Variants in ECHDC3 observed in about 807,000 individuals in gnomAD.
The protein encoded by ECHDC3 is enoyl-CoA hydratase domain-containing protein 3, mitochondrial.
A neutral mutation model predicts 17.9 loss-of-function variants in ECHDC3; 20 were observed. The observed-to-expected ratio is 1.12, with a 90% CI of 0.79 to 1.63. The LOEUF (loss-of-function observed/expected upper bound fraction) is 1.63. ECHDC3 is among the 40% of genes most tolerant of loss of function. ECHDC3 has a pLI of 0.00. For synonymous variants in ECHDC3, 177 were observed against 149.7 expected, an observed-to-expected ratio of 1.18 and a Z score of -1.33; for missense variants, 407 against 357.7, an observed-to-expected ratio of 1.14 and a Z score of -1.11.
At chr10:11,745,683 G>C (rs1832751191) in intron 1 of ECHDC3, among the ~76,000 whole-genome samples, 1 of 152,172 alleles carries the variant, frequency 6.6e-6, no homozygotes, top group African/African-American at 2.4e-5. Context: ...TACCGCGGAA[G>C]GAATATCAGA....
chr10:11,748,693 C>G (rs1832790630), intron 2 of ECHDC3, among the ~76,000 whole-genome samples: 1 of 152,166 alleles, frequency 6.6e-6, no homozygotes, highest in Non-Finnish European at 1.5e-5. Context: ...CGAGACCAGC[C>G]TGGCCAACGT....
chr10:11,763,853 G>T lies in ECHDC3; in HGVS notation c.*309G>T, dbSNP rs962559705. The T allele has an allele frequency of 7.3e-6, 8 of 1,099,358 alleles. No homozygotes were observed. In the African/African-American group the frequency reaches 1.3e-4, roughly 18 times the overall value. The allele number at this position is 1,099,358 out of a possible 1,614,324, so 68.1% of individuals were successfully genotyped here. A position where few individuals can be genotyped will look rare whatever the true frequency, so the allele number is the denominator to read the frequency against. ...AAGCGACCCCCCGACATAGCAAAAG[G>T]TGGCAACCCATGGAGGCAGAAAGAA... On this transcript the variant is annotated 3_prime_UTR_variant, in exon 5 of 5. Coordinates refer to ENST00000379215, the MANE Select transcript of ECHDC3 (RefSeq NM_024693.5). This position sits in a 1 kb window ranked among gnomAD's most constrained non-coding sequence, Gnocchi z 4.9.
At chr10:11,753,514 C>T (rs966768049) in intron 3 of ECHDC3, among the ~76,000 whole-genome samples, 13 of 152,054 alleles carry the variant, frequency 8.5e-5, no homozygotes, top group African/African-American at 3.1e-4. Flanking sequence ...AACTCTAATC[C>T]CAGTCAATTG....
At chr10:11,753,771 CTTTTTA>C (rs10638079) in intron 3 of ECHDC3, among the ~76,000 whole-genome samples, 10 of 149,898 alleles carry the variant, frequency 6.7e-5, no homozygotes, top group African/African-American at 2.2e-4. Flanking sequence ...CATTCTTCTT[CTTTTTA>C]TTTTTATTTT....
chr10:11,748,558 T>C (rs555975182), intron 2 of ECHDC3, among the ~76,000 whole-genome samples: 1 of 152,240 alleles, frequency 6.6e-6, no homozygotes, highest in South Asian at 2.1e-4. Flanking sequence ...ATTACCTCAC[T>C]TACAAAAAGA....
chr10:11,750,767 A>G (rs1397210299), intron 3 of ECHDC3, among the ~76,000 whole-genome samples: 4 of 152,162 alleles, frequency 2.6e-5, no homozygotes, highest in Admixed American at 2.0e-4. Context: ...AGTTTAACCT[A>G]ATTTTTTATT....
At chr10:11,752,439 A>C (rs1279023353) in intron 3 of ECHDC3, among the ~76,000 whole-genome samples, 1 of 151,892 alleles carries the variant, frequency 6.6e-6, no homozygotes, top group Non-Finnish European at 1.5e-5. Context: ...CTTAATCATG[A>C]AAGTAATGAG....
In ECHDC3 at chr10:11,747,467, T is replaced by G. The variant is rs780276308; in HGVS notation, c.289T>G (p.Ser97Ala). The change falls in exon 2 of 5, where the codon TCG becomes GCG. Residue 97 changes from serine (S) to alanine (A), a missense_variant. Transcript: ENST00000379215. ...DSNDLKVIII[S>A]AEGPVFSSGH... ...CAACGATCTGAAAGTCATTATCATC[T>G]CGGGTATGTATCTGATATCTGTCCT... 17 of 1,613,524 alleles carry G rather than the reference T, an allele frequency of 1.1e-5. No homozygotes were observed. The East Asian group carries it at 3.8e-4, about 36-fold the overall frequency.
In ECHDC3 at chr10:11,742,660, C is replaced by A. The variant is rs748653173; in HGVS notation, c.84C>A (p.Ala28=). Residue 28 remains alanine, a synonymous_variant, in exon 1 of 5, where the codon GCC becomes GCA. Coordinates refer to ENST00000379215, the MANE Select transcript of ECHDC3 (RefSeq NM_024693.5). ...GCGGCCCCTGGGCCCAGCTCCCCGC[C>A]CGCTTCTGCAGCCGGGACCCGGCCG... ...LRRGPWAQLP[A]RFCSRDPAGA... is the part of the protein sequence containing the mutation. 27 of 1,250,418 alleles carry A rather than the reference C, an allele frequency of 2.2e-5. No homozygotes were observed. The Admixed American group carries it at 1.0e-3, about 47-fold the overall frequency. 77.5% of individuals were successfully genotyped at this position (1,250,418 alleles called of 1,614,324 possible).
At position 11,763,684 on chromosome 10, in the gene ECHDC3, C is replaced by A; in HGVS notation, c.*140C>A. The A allele has an allele frequency of 7.0e-7, 1 of 1,426,322 alleles. No homozygotes were observed. The highest frequency in any genetic ancestry group is 9.1e-7 in the Non-Finnish European group (1 of 1,094,410). The allele number at this position is 1,426,322 out of a possible 1,614,324, so 88.4% of individuals were successfully genotyped here. On this transcript the variant is annotated 3_prime_UTR_variant, in exon 5 of 5. Transcript: ENST00000379215. This position sits in a 1 kb window ranked among gnomAD's most constrained non-coding sequence, Gnocchi z 4.9. ...TATTGGTGTCATAGCATTTGGCCTA[C>A]ATTAAAAGCCACAATTTCATGGGGA...
At chr10:11,750,737 T>C (rs1436636558) in intron 3 of ECHDC3, among the ~76,000 whole-genome samples, 1 of 152,266 alleles carries the variant, frequency 6.6e-6, no homozygotes, top group Non-Finnish European at 1.5e-5. Context: ...TAAAATGGTT[T>C]CATAACCTGC....
rs1832710172 is a variant in ECHDC3 at position 11,742,749 on chromosome 10, C to CA, written c.170+4dup. 1 of 1,226,614 alleles carries CA rather than the reference C, an allele frequency of 8.2e-7. No individual in the cohort carries two copies. Among genetic ancestry groups the CA allele is most frequent in the Admixed American group, 4.3e-5 (1 of 23,276 alleles). The allele number at this position is 1,226,614 out of a possible 1,614,324, so 76.0% of individuals were successfully genotyped here. ...GCGCGGCAGCTGGACGGCATAAGGT[C>CA]AGCCCCGGGCCGCGCGGGCTCCTCG... On this transcript the variant is annotated splice_donor_region_variant and intron_variant, in intron 1 of 4. Transcript: ENST00000379215.
In ECHDC3 at chr10:11,756,145, A is replaced by G. The variant is rs147114788; in HGVS notation, c.591+537A>G. Reference sequence around the variant, plus strand: ...TTTACAACGGTTGCATTTCAGGAACATGAATCTCCTGTGCGTGGTATGTTG... The same window carrying G: ...TTTACAACGGTTGCATTTCAGGAACGTGAATCTCCTGTGCGTGGTATGTTG... On this transcript the variant is annotated intron_variant, in intron 4 of 4. Coordinates refer to ENST00000379215, the MANE Select transcript of ECHDC3 (RefSeq NM_024693.5). 9.2e-5 allele frequency among the ~76,000 whole-genome samples: 14 copies of G among 152,354 alleles called. No homozygotes were observed. The East Asian group carries it at 2.7e-3, about 29-fold the overall frequency.
intron 3 of ECHDC3, among the ~76,000 whole-genome samples, chr10:11,750,726 A>G (rs1243832594): frequency 6.6e-6 from 1 of 152,260 alleles, no homozygotes; most frequent in Non-Finnish European, 1.5e-5. Flanking sequence ...AACAACACAT[A>G]TAAAATGGTT....
At chr10:11,742,895 G>T in intron 1 of ECHDC3, 149 bp downstream of exon 1, 1 of 930,020 alleles carries the variant, frequency 1.1e-6, no homozygotes, top group South Asian at 4.2e-5. Flanking sequence ...GCCTGGCAGC[G>T]AGACGCGCAG....
At chr10:11,743,465 C>T (rs1383808103) in intron 1 of ECHDC3, among the ~76,000 whole-genome samples, 1 of 152,260 alleles carries the variant, frequency 6.6e-6, no homozygotes, top group Non-Finnish European at 1.5e-5. Context: ...GAGAGCCAGC[C>T]CGTGGCTTCA....
At chr10:11,752,879 T>C (rs545560857) in intron 3 of ECHDC3, among the ~76,000 whole-genome samples, 30 of 152,214 alleles carry the variant, frequency 2.0e-4, no homozygotes, top group Non-Finnish European at 4.3e-4. Context: ...TGCTGGTGTT[T>C]CTCTTGGAAA....
Position 11,755,323 on chromosome 10 carries a change from C to CA in ECHDC3, c.391-65dup, listed in dbSNP as rs35696123. 4,484 of 782,944 alleles carry CA rather than the reference C, an allele frequency of 5.7e-3. 62 individuals are homozygous for CA. Among genetic ancestry groups the CA allele is most frequent in the African/African-American group, 0.05 (2,184 of 43,678 alleles). The allele number at this position is 782,944 out of a possible 1,614,324, so 48.5% of individuals were successfully genotyped here. A position where few individuals can be genotyped will look rare whatever the true frequency, so the allele number is the denominator to read the frequency against. On this transcript the variant is annotated intron_variant, in intron 3 of 4. Transcript: ENST00000379215. ...CCTGGGCAACAGAGTGAGACTCTGT[C>CA]AAAAAAAAAAAAAAAAAAAAGCAAT...
chr10:11,755,571 C>T lies in ECHDC3; in HGVS notation c.554C>T (p.Thr185Ile). Reference sequence around the variant, plus strand: ...GTGAACGTCGGGCTCTTCTGTTCTACCCCTGGGGTTGCCTTGGCAAGAGCA... The same window carrying T: ...GTGAACGTCGGGCTCTTCTGTTCTATCCCTGGGGTTGCCTTGGCAAGAGCA... ...PGVNVGLFCS[T>I]PGVALARAVP... Residue 185 changes from threonine (T) to isoleucine (I), a missense_variant, in exon 4 of 5, where the codon ACC (threonine) becomes ATC (isoleucine). By Grantham distance (89) the Thr-to-Ile change is moderately conservative. Coordinates refer to ENST00000379215, the MANE Select transcript of ECHDC3 (RefSeq NM_024693.5). 1.9e-6 allele frequency: 3 copies of T among 1,613,938 alleles called. No individual in the cohort carries two copies. Among genetic ancestry groups the T allele is most frequent in the Non-Finnish European group, 2.5e-6 (3 of 1,179,950 alleles).
Sources: gnomAD v4.1 joint callset for allele counts (sites outside exome capture counted in the v4.1 genomes callset) on GRCh38, gnomAD v4.1.1 for gene constraint, Gnocchi (gnomAD v3.1) non-coding constraint, MANE v1.5 for transcripts, NCBI Gene and HGNC (gene_info 2026-07-23, HGNC 2026-07-21) for gene names.